ADGRL3: variants seen among roughly 807,000 people sequenced by gnomAD.
The protein encoded by ADGRL3 is adhesion G protein-coupled receptor L3.
Under a neutral mutation model 153.5 loss-of-function variants are expected in ADGRL3, and 62 were observed. That is an observed-to-expected ratio of 0.40 (90% confidence interval 0.33 to 0.50). ADGRL3 has a LOEUF of 0.50. Among genes scored for constraint, ADGRL3 ranks in the 20% least tolerant of loss-of-function variants. The probability of loss-of-function intolerance (pLI) is 0.47; values close to 1 mark genes in which losing one functional copy is unlikely to be tolerated. For synonymous variants in ADGRL3, 710 were observed against 672.5 expected (o/e 1.06, Z -0.86); for missense variants, 1,641 against 1,859.4 (o/e 0.88, Z 2.16).
intron 5 of ADGRL3, among the ~76,000 whole-genome samples, chr4:61,618,598 A>C (rs150854654): frequency 0.012 from 1,861 of 152,188 alleles, 42 homozygotes; most frequent in African/African-American, 0.042. Context: ...TCTTAGCTTT[A>C]CTTGATCTCT....
chr4:61,464,075 T>C (rs1560678259), intron 2 of ADGRL3, among the ~76,000 whole-genome samples: 2 of 152,096 alleles, frequency 1.3e-5, no homozygotes. Context: ...TAAAAAATGG[T>C]TTGGTTGTCT....
chr4:61,830,859 C>T (rs939468026), intron 9 of ADGRL3, among the ~76,000 whole-genome samples: 14 of 152,032 alleles, frequency 9.2e-5, no homozygotes, highest in Non-Finnish European at 1.8e-4. Flanking sequence ...TAGCTTTATT[C>T]CTCCTAGTTC....
chr4:61,675,717 A>C (rs1449063143), intron 5 of ADGRL3, among the ~76,000 whole-genome samples: 2 of 150,660 alleles, frequency 1.3e-5, no homozygotes, highest in Non-Finnish European at 3.0e-5. Flanking sequence ...GGAACATGAG[A>C]TATTTTGAAA....
At chr4:61,700,089 T>C (rs1474495451) in intron 6 of ADGRL3, among the ~76,000 whole-genome samples, 1 of 152,084 alleles carries the variant, frequency 6.6e-6, no homozygotes, top group African/African-American at 2.4e-5. Flanking sequence ...ACGAAGAGGT[T>C]GTACATGAGT....
At chr4:61,885,121 A>T (rs1312218904) in intron 9 of ADGRL3, among the ~76,000 whole-genome samples, 2 of 151,896 alleles carry the variant, frequency 1.3e-5, no homozygotes, top group African/African-American at 4.8e-5. Context: ...TACCGAAAAT[A>T]CAAAAGTAGT....
chr4:61,508,480 A>G (rs2098444101), intron 3 of ADGRL3, among the ~76,000 whole-genome samples: 1 of 152,176 alleles, frequency 6.6e-6, no homozygotes, highest in Non-Finnish European at 1.5e-5. Flanking sequence ...AAAGCAGACT[A>G]TTTATTCTTT....
chr4:61,236,834 A>G (rs1004505170), intron 1 of ADGRL3, among the ~76,000 whole-genome samples: 1 of 152,152 alleles, frequency 6.6e-6, no homozygotes, highest in African/African-American at 2.4e-5. Flanking sequence ...CGTGGTATAT[A>G]TCAAAACTGT....
Position 61,644,720 on chromosome 4 carries a change from A to T in ADGRL3, c.474-32106A>T, listed in dbSNP as rs921214583. On this transcript the variant is annotated intron_variant, in intron 5 of 26. Coordinates refer to ENST00000683033, the MANE Select transcript of ADGRL3 (RefSeq NM_001387552.1). ...TTTACTTCCAAGTATGTGGTCAATT[A>T]TGGAATAGGTGTGGTTTGGTGCTGA... Among the ~76,000 whole-genome samples the T allele has an allele frequency of 2.0e-5, 3 of 152,098 alleles. 1 individual carries two copies. The highest frequency in any genetic ancestry group is 4.1e-4 in the South Asian group (2 of 4,832).
At chr4:61,860,975 G>A (rs528521279) in intron 9 of ADGRL3, among the ~76,000 whole-genome samples, 1 of 152,180 alleles carries the variant, frequency 6.6e-6, no homozygotes, top group Admixed American at 6.5e-5. Context: ...AAATATTACG[G>A]CATTAAATCA....
At chr4:61,772,040 C>A (rs1335512679) in intron 8 of ADGRL3, among the ~76,000 whole-genome samples, 2 of 152,098 alleles carry the variant, frequency 1.3e-5, no homozygotes, top group Admixed American at 6.5e-5. Flanking sequence ...GTCTGTGTGC[C>A]CTGACAGGTG....
At chr4:61,808,932 G>A (rs1422379357) in intron 8 of ADGRL3, among the ~76,000 whole-genome samples, 1 of 151,842 alleles carries the variant, frequency 6.6e-6, no homozygotes, top group African/African-American at 2.4e-5. Context: ...AGAGCAGAGA[G>A]ATATAACTTA....
At chr4:61,476,550 A>G (rs1440406244) in intron 2 of ADGRL3, among the ~76,000 whole-genome samples, 1 of 151,922 alleles carries the variant, frequency 6.6e-6, no homozygotes, top group Non-Finnish European at 1.5e-5. Context: ...TACTAAAAAT[A>G]CAAAAATTAG....
intron 25 of ADGRL3, among the ~76,000 whole-genome samples, chr4:62,063,269 A>T (rs1473002136): frequency 6.6e-6 from 1 of 152,088 alleles, no homozygotes; most frequent in African/African-American, 2.4e-5. Context: ...TAAAACCTTA[A>T]ATGTAGCTTA....
chr4:61,253,932 T>G (rs1348632613), intron 1 of ADGRL3, among the ~76,000 whole-genome samples: 2 of 152,188 alleles, frequency 1.3e-5, no homozygotes, highest in African/African-American at 2.4e-5. Flanking sequence ...TATGATTCTG[T>G]GAACCACGAT....
intron 13 of ADGRL3, among the ~76,000 whole-genome samples, chr4:61,915,382 C>G (rs1312139502): frequency 6.6e-6 from 1 of 150,850 alleles, no homozygotes; most frequent in African/African-American, 2.4e-5. Context: ...TCAAAATATC[C>G]TTTACCATCA....
chr4:61,349,663 G>T lies in ADGRL3; in HGVS notation c.-239-33461G>T, dbSNP rs925403456. On this transcript the variant is annotated intron_variant, in intron 1 of 26. Transcript: ENST00000683033. ...CCTATTAGTACCTGTGTTGTAGATT[G>T]TAGTGAAGATTAAATGAAATAATGC... is the stretch of plus-strand genomic sequence containing the variant. Among the ~76,000 whole-genome samples the T allele has an allele frequency of 1.4e-4, 22 of 152,178 alleles. No homozygotes were observed. The South Asian group carries it at 3.5e-3, about 24-fold the overall frequency.
At chr4:61,635,266 A>G (rs1443095757) in intron 5 of ADGRL3, among the ~76,000 whole-genome samples, 1 of 152,170 alleles carries the variant, frequency 6.6e-6, no homozygotes, top group African/African-American at 2.4e-5. Flanking sequence ...AAAGCCTGAG[A>G]GCAATGGAGA....
chr4:61,919,156 T>A (rs1179379519), intron 13 of ADGRL3, among the ~76,000 whole-genome samples: 1 of 152,212 alleles, frequency 6.6e-6, no homozygotes. Flanking sequence ...TAGAATAAAT[T>A]GGCTAGCAGT....
chr4:61,764,654 G>A (rs1217537612), intron 8 of ADGRL3, among the ~76,000 whole-genome samples: 3 of 152,140 alleles, frequency 2.0e-5, no homozygotes, highest in African/African-American at 7.2e-5. Context: ...TATAGGTGCA[G>A]GTCACAGGGG....
Sources: allele counts gnomAD v4.1 joint callset (sites outside exome capture counted in the v4.1 genomes callset), GRCh38; gene constraint gnomAD v4.1.1; transcripts MANE v1.5; gene names NCBI Gene and HGNC (gene_info 2026-07-23, HGNC 2026-07-21).